Variants in KIAA2012 observed in about 807,000 individuals in gnomAD.
The protein encoded by KIAA2012 is KIAA2012.
In KIAA2012, 125 loss-of-function variants were observed where a neutral mutation model predicts 150.6. The ratio of observed to expected loss-of-function variants is 0.83; its 90% CI spans 0.72 to 0.96. KIAA2012 has a LOEUF of 0.96. KIAA2012 is among the 40% of genes least tolerant of loss of function. The probability of loss-of-function intolerance (pLI) is 0.00; values close to 1 mark genes in which losing one functional copy is unlikely to be tolerated. For missense variants in KIAA2012, 1,219 were observed against 1,354.9 expected (o/e 0.90, Z 1.57); for synonymous variants, 462 against 504.7 (o/e 0.92, Z 1.13).
intron 22 of KIAA2012, chr2:202,197,353 A>C: frequency 2.9e-6 from 1 of 341,214 alleles, no homozygotes; most frequent in Non-Finnish European, 5.4e-6. Context: ...CAGATCTAAG[A>C]CCCCCTGATT....
chr2:202,117,744 C>A (rs535793963), intron 11 of KIAA2012, among the ~76,000 whole-genome samples: 1 of 152,158 alleles, frequency 6.6e-6, no homozygotes, highest in African/African-American at 2.4e-5. Flanking sequence ...AGGAAAGGTT[C>A]TAGGGCCAGA....
At chr2:202,175,527 G>A (rs898802598) in intron 15 of KIAA2012, among the ~76,000 whole-genome samples, 1 of 152,176 alleles carries the variant, frequency 6.6e-6, no homozygotes, top group African/African-American at 2.4e-5. Flanking sequence ...TCATAAATGA[G>A]ATTAGTGCCT....
At chr2:202,171,318 G>T (rs1263237777) in intron 15 of KIAA2012, among the ~76,000 whole-genome samples, 1 of 152,222 alleles carries the variant, frequency 6.6e-6, no homozygotes, top group African/African-American at 2.4e-5. Context: ...GGCCAAAGTG[G>T]TCCAGCAGTG....
intron 11 of KIAA2012, among the ~76,000 whole-genome samples, chr2:202,119,545 C>G (rs183719257): frequency 3.9e-5 from 6 of 152,070 alleles, no homozygotes; most frequent in Non-Finnish European, 7.4e-5. Flanking sequence ...CTGAGGATAC[C>G]AGTAAATAAA....
chr2:202,119,278 A>T (rs1452330104), intron 11 of KIAA2012, among the ~76,000 whole-genome samples: 1 of 152,186 alleles, frequency 6.6e-6, no homozygotes, highest in African/African-American at 2.4e-5. Context: ...TCTCAGGAAA[A>T]AAAAAAAAGA....
chr2:202,105,227 G>A (rs1690152728), intron 8 of KIAA2012, among the ~76,000 whole-genome samples: 1 of 149,844 alleles, frequency 6.7e-6, no homozygotes, highest in African/African-American at 2.5e-5. Context: ...AGGAAGGGAA[G>A]AAAGGAAGAA....
At chr2:202,179,417 A>T in intron 15 of KIAA2012, 1 of 738,844 alleles carries the variant, frequency 1.4e-6, no homozygotes, top group Non-Finnish European at 2.5e-6. Flanking sequence ...TAAAGCGGCA[A>T]ATGGTGTGGT....
Position 202,186,984 on chromosome 2 carries a change from G to T in KIAA2012, c.2262G>T (p.Gly754=), listed in dbSNP as rs1692240624. The T allele has an allele frequency of 6.4e-7, 1 of 1,550,462 alleles. No individual in the cohort carries two copies. ...TACACAGAGGACTTCTGGGATACGGGCCTGAGTCACCCGAGAGGTTGAGTG... is the reference window on the plus strand; with the variant it reads ...TACACAGAGGACTTCTGGGATACGGTCCTGAGTCACCCGAGAGGTTGAGTG... The part of the protein sequence containing the change: ...HHLHRGLLGY[G]PESPERLSAV... Residue 754 remains glycine, a synonymous_variant, in exon 17 of 24, where the codon GGG becomes GGT. Transcript: ENST00000498697.
chr2:202,083,664 G>C (rs1007476643), intron 2 of KIAA2012, among the ~76,000 whole-genome samples: 3 of 150,220 alleles, frequency 2.0e-5, no homozygotes, highest in Non-Finnish European at 4.4e-5. Context: ...CGTCTGAGTA[G>C]TTAGGAAATG....
At chr2:202,106,992 G>T (rs987522583) in intron 9 of KIAA2012, among the ~76,000 whole-genome samples, 3 of 152,180 alleles carry the variant, frequency 2.0e-5, no homozygotes, top group Non-Finnish European at 2.9e-5. Context: ...CTCTGTGCCA[G>T]GCACTGTTCT....
At chr2:202,118,045 T>C (rs1291666268) in intron 11 of KIAA2012, among the ~76,000 whole-genome samples, 3 of 150,722 alleles carry the variant, frequency 2.0e-5, no homozygotes, top group Non-Finnish European at 4.4e-5. Flanking sequence ...GGAGCAGTTC[T>C]TGTGTCTAAA....
intron 17 of KIAA2012, 27 bp from the exon 18 acceptor site, chr2:202,188,125 T>C (rs1449049713): frequency 1.6e-5 from 25 of 1,516,862 alleles, no homozygotes; most frequent in Non-Finnish European, 2.1e-5. Flanking sequence ...CATATTATGG[T>C]CCCCTTCCTT....
At chr2:202,110,746 C>T (rs1425433334) in intron 10 of KIAA2012, among the ~76,000 whole-genome samples, 1 of 152,150 alleles carries the variant, frequency 6.6e-6, no homozygotes, top group Non-Finnish European at 1.5e-5. Flanking sequence ...GACAGAATGC[C>T]TCAGTATTTA....
intron 10 of KIAA2012, among the ~76,000 whole-genome samples, chr2:202,110,849 A>G (rs1274848380): frequency 6.6e-6 from 1 of 152,256 alleles, no homozygotes. Flanking sequence ...TTCTTTAAGC[A>G]TAAATTAAAT....
At chr2:202,092,378 C>A (rs377043634) in intron 3 of KIAA2012, among the ~76,000 whole-genome samples, 18 of 152,170 alleles carry the variant, frequency 1.2e-4, no homozygotes, top group African/African-American at 4.1e-4. Flanking sequence ...TTTCTTTACA[C>A]CCCTATGATT....
Position 202,099,604 on chromosome 2 carries a change from G to C in KIAA2012, c.829-9G>C, listed in dbSNP as rs150791712. On this transcript the variant is annotated splice_polypyrimidine_tract_variant and intron_variant, in intron 5 of 23. Coordinates refer to ENST00000498697, the MANE Select transcript of KIAA2012 (RefSeq NM_001277372.4). ...CTGTTTACAGGAATGTGTATCTGTC[G>C]TTCCCTAGGACACGTCAATAGAGAA... 1 of 1,543,590 alleles carries C rather than the reference G, an allele frequency of 6.5e-7. No homozygotes were observed. The highest frequency in any genetic ancestry group is 2.5e-5 in the East Asian group (1 of 40,746).
intron 12 of KIAA2012, among the ~76,000 whole-genome samples, chr2:202,126,115 T>C (rs1039902569): frequency 1.3e-5 from 2 of 151,898 alleles, no homozygotes; most frequent in African/African-American, 4.8e-5. Context: ...CCACCAAGCC[T>C]GGCCAATTTT....
intron 11 of KIAA2012, among the ~76,000 whole-genome samples, chr2:202,117,299 C>T (rs901128890): frequency 2.6e-5 from 4 of 152,090 alleles, no homozygotes; most frequent in Non-Finnish European, 5.9e-5. Context: ...TAAGAATATC[C>T]CAGCTGGTCT....
intron 7 of KIAA2012, among the ~76,000 whole-genome samples, chr2:202,101,320 T>A (rs1690038287): frequency 6.6e-6 from 1 of 152,204 alleles, no homozygotes; most frequent in Non-Finnish European, 1.5e-5. Context: ...CAAGATTTTC[T>A]CAGATTTCCT....
Sources: allele counts gnomAD v4.1 joint callset (sites outside exome capture counted in the v4.1 genomes callset), GRCh38; gene constraint gnomAD v4.1.1; transcripts MANE v1.5; gene names NCBI Gene and HGNC (gene_info 2026-07-23, HGNC 2026-07-21).